The following APLP2 variants were observed in gnomAD, a reference collection of about 807,000 sequenced individuals.
APLP2 encodes the protein amyloid beta precursor like protein 2, also known as CDEI box-binding protein.
APLP2 carries 53 observed loss-of-function variants against 89.9 expected under a neutral mutation model. The ratio of observed to expected loss-of-function variants is 0.59; its 90% CI spans 0.47 to 0.74. The LOEUF (loss-of-function observed/expected upper bound fraction) is 0.74. APLP2 is among the 30% of genes least tolerant of loss of function. APLP2 has a pLI of 0.00. For synonymous variants in APLP2, 372 were observed against 348.6 expected (o/e 1.07, Z -0.75); for missense variants, 973 against 975.9 (o/e 1.00, Z 0.04).
chr11:130,109,256 A>G (rs1410937172), intron 1 of APLP2, 173 bp from the exon 2 acceptor site: 3 of 495,140 alleles, frequency 6.1e-6, no homozygotes, highest in Non-Finnish European at 1.0e-5. Context: ...ATACACATCC[A>G]GAAGTCACTT....
intron 2 of APLP2, chr11:130,109,843 G>A (rs1591808012): frequency 2.4e-6 from 1 of 408,694 alleles, no homozygotes; most frequent in Non-Finnish European, 4.3e-6. Context: ...CCTGGCAAGT[G>A]CCATGGGAGT....
chr11:130,090,243 C>CTT (rs1565558493), intron 1 of APLP2, among the ~76,000 whole-genome samples: 1 of 135,632 alleles, frequency 7.4e-6, no homozygotes, highest in Non-Finnish European at 1.6e-5. Flanking sequence ...AGTTCTAGCT[C>CTT]TGTCTTTTTT....
At chr11:130,115,192 T>C (rs73585132) in intron 3 of APLP2, among the ~76,000 whole-genome samples, 6,964 of 152,144 alleles carry the variant, frequency 0.046, 439 homozygotes, top group East Asian at 0.24. Flanking sequence ...TGTACTTTTG[T>C]AGTATATTTA....
chr11:130,076,398 T>C lies in APLP2; in HGVS notation c.105+6316T>C, dbSNP rs542641783. ...AGCTCTTTTGTGTCTTTTTATATTA[T>C]GTGCAAGTTCTCTTTTTTTAGTAGT... On this transcript the variant is annotated intron_variant, in intron 1 of 16. Coordinates refer to ENST00000338167, the MANE Select transcript of APLP2 (RefSeq NM_001142276.2). Among the ~76,000 whole-genome samples, 15 of 152,328 alleles carry C rather than the reference T, an allele frequency of 9.8e-5. No individual in the cohort carries two copies. In the South Asian group the frequency reaches 3.1e-3, roughly 32 times the overall value.
chr11:130,090,903 C>G (rs899158102), intron 1 of APLP2, among the ~76,000 whole-genome samples: 1 of 150,478 alleles, frequency 6.6e-6, no homozygotes, highest in Admixed American at 6.6e-5. Context: ...GCTGACCCCC[C>G]CCATCTCCCT....
intron 1 of APLP2, among the ~76,000 whole-genome samples, chr11:130,102,296 C>T (rs5013644): frequency 6.6e-6 from 1 of 152,058 alleles, no homozygotes; most frequent in South Asian, 2.1e-4. Context: ...TGAACAAGAG[C>T]GTCGTACCTT....
rs757838368 is a variant in APLP2, at chr11:130,135,667, C to G, written c.1789C>G (p.Pro597Ala). Reference protein sequence around the residue: ...RVSSEESEEIPPFHPFHPFPA... With the variant: ...RVSSEESEEIAPFHPFHPFPA... ...GAGCTCTGAGGAGAGTGAGGAGATC[C>G]CACCGTTCCACCCCTTCCACCCCTT... Residue 597 changes from proline to alanine, a missense_variant, in exon 13 of 17, where the codon CCA becomes GCA. Coordinates refer to ENST00000338167, the MANE Select transcript of APLP2 (RefSeq NM_001142276.2). 1 of 1,614,096 alleles carries G rather than the reference C, an allele frequency of 6.2e-7. No homozygotes were observed. Among genetic ancestry groups the G allele is most frequent in the Non-Finnish European group, 8.5e-7 (1 of 1,180,008 alleles).
intron 12 of APLP2, among the ~76,000 whole-genome samples, chr11:130,134,296 G>T (rs762124194): frequency 1.1e-4 from 16 of 152,188 alleles, no homozygotes; most frequent in Non-Finnish European, 2.1e-4. Flanking sequence ...CTAGAGAGTG[G>T]CCAGTCGGGG....
intron 3 of APLP2, among the ~76,000 whole-genome samples, chr11:130,119,279 C>T (rs1367708120): frequency 6.6e-6 from 1 of 152,192 alleles, no homozygotes; most frequent in Non-Finnish European, 1.5e-5. Flanking sequence ...CTCGCCCTCT[C>T]TTCCTCTCCC....
chr11:130,133,494 CT>C, intron 11 of APLP2, 134 bp from the exon 12 acceptor site: 1 of 639,066 alleles, frequency 1.6e-6, no homozygotes, highest in Admixed American at 2.6e-5. Context: ...TGACCAGTTG[CT>C]TTGCTAGACT....
At position 130,122,341 on chromosome 11, in the gene APLP2, A is replaced by T. The variant is rs1252789860; in HGVS notation, c.750A>T (p.Thr250=). 1 of 1,614,126 alleles carries T rather than the reference A, an allele frequency of 6.2e-7. No homozygotes were observed. The highest frequency in any genetic ancestry group is 2.2e-5 in the East Asian group (1 of 44,886). The part of the protein sequence containing the change: ...FPTEADLEDF[T]EAAVDEDDED... ...CTGAAGCAGATCTGGAAGACTTCAC[A>T]GAAGCAGCTGTGGATGAGGATGATG... is the stretch of plus-strand genomic sequence containing the variant. Residue 250 remains threonine, a synonymous_variant, in exon 6 of 17, where the codon ACA becomes ACT. Transcript: ENST00000338167.
At chr11:130,139,784 G>A (rs2136138590) in intron 13 of APLP2, 1 of 152,494 alleles carries the variant, frequency 6.6e-6, no homozygotes, top group East Asian at 1.9e-4. Flanking sequence ...TAGGATATGA[G>A]CATCTAGGAT....
At chr11:130,135,510 G>A (rs1951465995) in intron 12 of APLP2, 53 bp from the exon 13 acceptor site, 1 of 1,590,806 alleles carries the variant, frequency 6.3e-7, no homozygotes, top group African/African-American at 1.3e-5. Flanking sequence ...CCTGTGCCTG[G>A]ACACCAGGCC....
chr11:130,076,063 A>C (rs1014379542), intron 1 of APLP2, among the ~76,000 whole-genome samples: 1 of 151,914 alleles, frequency 6.6e-6, no homozygotes, highest in Non-Finnish European at 1.5e-5. Context: ...ATTTTTAAAA[A>C]CTTTTTGGGC....
Position 130,126,814 on chromosome 11 carries a change from G to T in APLP2, c.1205G>T (p.Arg402Leu). The change falls in exon 8 of 17, where the codon CGC becomes CTC. Residue 402 changes from arginine (R) to leucine (L), a missense_variant. Transcript: ENST00000338167. ...AAGGAGCAGCTGGAGATTCGGCACC[G>T]CAACCGAATGGACAGGGTAAACCTT... ...KAKEQLEIRH[R>L]NRMDRVKKEW... is the part of the protein sequence containing the mutation. 6.2e-7 allele frequency: 1 copy of T among 1,614,156 alleles called. No homozygotes were observed. The highest frequency in any genetic ancestry group is 8.5e-7 in the Non-Finnish European group (1 of 1,180,022).
chr11:130,099,897 G>C (rs1294908104), intron 1 of APLP2, among the ~76,000 whole-genome samples: 1 of 152,208 alleles, frequency 6.6e-6, no homozygotes, highest in East Asian at 1.9e-4. Flanking sequence ...TCTGCGGCAG[G>C]CATTGTGCTC....
chr11:130,088,559 A>G (rs1944450391), intron 1 of APLP2, among the ~76,000 whole-genome samples: 1 of 152,070 alleles, frequency 6.6e-6, no homozygotes, highest in Admixed American at 6.5e-5. Context: ...GGAAAAGCAA[A>G]TGTCATCTTC....
At chr11:130,126,654 A>G in intron 7 of APLP2, 46 bp from the exon 8 acceptor site, 1 of 1,608,862 alleles carries the variant, frequency 6.2e-7, no homozygotes, top group Non-Finnish European at 8.5e-7. Context: ...CCTAGAGCAC[A>G]GTGCATCTGA....
At position 130,138,406 on chromosome 11, in the gene APLP2, T is replaced by C. The variant is rs149150918; in HGVS notation, c.1838-1992T>C. On this transcript the variant is annotated intron_variant, in intron 13 of 16. Transcript: ENST00000338167. Reference sequence around the variant, plus strand: ...CTTTCAACAGCACAACTGAGATGTTTATAGAGAAAGATGAGTTTTCTAGAA... The same window carrying C: ...CTTTCAACAGCACAACTGAGATGTTCATAGAGAAAGATGAGTTTTCTAGAA... Among the ~76,000 whole-genome samples, 357 of 152,276 alleles carry C rather than the reference T, an allele frequency of 2.3e-3. 1 individual carries two copies. Among genetic ancestry groups the C allele is most frequent in the African/African-American group, 7.7e-3 (320 of 41,540 alleles).
Sources: gnomAD v4.1 joint callset for allele counts (sites outside exome capture counted in the v4.1 genomes callset) on GRCh38, gnomAD v4.1.1 for gene constraint, MANE v1.5 for transcripts, NCBI Gene and HGNC (gene_info 2026-07-23, HGNC 2026-07-21) for gene names.